The following AOPEP variants were observed in gnomAD, a reference collection of about 807,000 sequenced individuals.
AOPEP encodes the protein aminopeptidase O.
Under a neutral mutation model 98.1 loss-of-function variants are expected in AOPEP, and 77 were observed. That is an observed-to-expected ratio of 0.78 (90% CI 0.65 to 0.95). AOPEP has a LOEUF of 0.95. Ranked by LOEUF, AOPEP falls within the 40% of genes least tolerant of loss-of-function variation. The pLI, the probability that AOPEP is intolerant of heterozygous loss-of-function variation, is 0.00. For missense variants in AOPEP, 1,024 were observed against 1,024.7 expected, an observed-to-expected ratio of 1.00 and a Z score of 0.01; for synonymous variants, 346 against 365.3, an observed-to-expected ratio of 0.95 and a Z score of 0.60.
the AOPEP span, chr9:95,117,330 G>A: frequency 3.1e-6 from 5 of 1,613,916 alleles, no homozygotes; most frequent in African/African-American, 1.3e-5. Flanking sequence ...GGGTCTTGCA[G>A]CAGCACCATG....
chr9:95,126,568 C>T, the AOPEP span: 2 of 1,614,038 alleles, frequency 1.2e-6, no homozygotes, highest in Non-Finnish European at 1.7e-6. Context: ...GGCAGGGTGG[C>T]AGGCTGCTTG....
chr9:94,969,012 A>AG (rs970729537), intron 10 of AOPEP, among the ~76,000 whole-genome samples: 11 of 152,190 alleles, frequency 7.2e-5, no homozygotes, highest in African/African-American at 2.7e-4. Context: ...CAAGATACTG[A>AG]GAGGCTGAGT....
At chr9:95,149,996 TGAG>T in the AOPEP span, 1 of 1,613,874 alleles carries the variant, frequency 6.2e-7, no homozygotes, top group Non-Finnish European at 8.5e-7. Flanking sequence ...CCATGACAGA[TGAG>T]GAGAGCCTCC....
chr9:94,979,258 A>C, intron 10 of AOPEP, 109 bp from the exon 11 acceptor site: 1 of 694,266 alleles, frequency 1.4e-6, no homozygotes, highest in South Asian at 1.9e-5. Flanking sequence ...AAGCACGGGC[A>C]CTTCTGGAAG....
chr9:94,786,361 G>C (rs548049511), intron 3 of AOPEP, among the ~76,000 whole-genome samples: 1 of 152,236 alleles, frequency 6.6e-6, no homozygotes, highest in Non-Finnish European at 1.5e-5. Flanking sequence ...AACCCTAGCT[G>C]TCAGATTCCA....
At chr9:95,116,774 T>C in the AOPEP span, among the ~76,000 whole-genome samples, 1 of 152,204 alleles carries the variant, frequency 6.6e-6, no homozygotes, top group Admixed American at 6.5e-5. Context: ...CCCAGCTGGA[T>C]AGCCTTTGGA....
At chr9:94,753,022 C>T (rs981227346) in intron 1 of AOPEP, among the ~76,000 whole-genome samples, 5 of 152,236 alleles carry the variant, frequency 3.3e-5, no homozygotes, top group South Asian at 2.1e-4. Context: ...TTTAAATAAG[C>T]GGCCTTTCTG....
intron 7 of AOPEP, among the ~76,000 whole-genome samples, chr9:94,933,978 G>C (rs888021303): frequency 6.6e-6 from 1 of 152,106 alleles, no homozygotes; most frequent in South Asian, 2.1e-4. Context: ...TTGATCTCCT[G>C]ACCTTGTGAT....
chr9:94,850,370 T>C (rs2043401181), intron 5 of AOPEP, among the ~76,000 whole-genome samples: 1 of 152,240 alleles, frequency 6.6e-6, no homozygotes, highest in South Asian at 2.1e-4. Flanking sequence ...TGGTCCTGCC[T>C]GTTGGCTGTT....
At chr9:95,011,359 T>C (rs1433277684) in intron 13 of AOPEP, among the ~76,000 whole-genome samples, 1 of 151,844 alleles carries the variant, frequency 6.6e-6, no homozygotes, top group Non-Finnish European at 1.5e-5. Context: ...CCACGCCCCA[T>C]GCCCGGCTAA....
chr9:94,751,693 G>A (rs1358352854), intron 1 of AOPEP, among the ~76,000 whole-genome samples: 1 of 151,018 alleles, frequency 6.6e-6, no homozygotes, highest in Non-Finnish European at 1.5e-5. Flanking sequence ...GTAATCTATA[G>A]CTCTGGTGCC....
chr9:95,010,423 G>C (rs1475767708), intron 13 of AOPEP, among the ~76,000 whole-genome samples: 1 of 152,220 alleles, frequency 6.6e-6, no homozygotes, highest in Non-Finnish European at 1.5e-5. Context: ...GGCACAGAAT[G>C]AACCTATGGA....
the AOPEP span, among the ~76,000 whole-genome samples, chr9:95,105,762 C>G: frequency 6.6e-6 from 1 of 152,236 alleles, no homozygotes; most frequent in Non-Finnish European, 1.5e-5. Context: ...ATTTCAACAG[C>G]ACAGTGTCTT....
intron 16 of AOPEP, among the ~76,000 whole-genome samples, chr9:95,083,315 G>C (rs1208361508): frequency 7.1e-6 from 1 of 141,726 alleles, no homozygotes; most frequent in African/African-American, 2.7e-5. Context: ...CACACCAGAG[G>C]ACGCACCACA....
chr9:95,107,476 G>C, the AOPEP span: 1 of 630,554 alleles, frequency 1.6e-6, no homozygotes, highest in Non-Finnish European at 2.8e-6. Context: ...CTTTCGTCTT[G>C]CTCACCAAGC....
chr9:95,135,276 TCTGA>T, the AOPEP span: 12 of 1,465,964 alleles, frequency 8.2e-6, no homozygotes, highest in African/African-American at 1.4e-5. Context: ...CCTTTCATTC[TCTGA>T]CTAAAAGAAA....
At chr9:94,838,909 C>CTTTTTTTTTT (rs35849023) in intron 5 of AOPEP, among the ~76,000 whole-genome samples, 3 of 99,768 alleles carry the variant, frequency 3.0e-5, no homozygotes, top group African/African-American at 8.4e-5. Context: ...AAATGCTATT[C>CTTTTTTTTTT]TTTTTTTTTT....
intron 13 of AOPEP, among the ~76,000 whole-genome samples, chr9:95,026,589 C>T (rs767358487): frequency 9.2e-5 from 14 of 152,178 alleles, no homozygotes; most frequent in South Asian, 4.1e-4. Context: ...TCTGTCTGTT[C>T]ACCAGTTGAT....
At chr9:94,863,262 T>C (rs1253595493) in intron 5 of AOPEP, among the ~76,000 whole-genome samples, 3 of 144,464 alleles carry the variant, frequency 2.1e-5, no homozygotes, top group Admixed American at 7.0e-5. Context: ...TCTGTTTCCC[T>C]CTTCTTTCTC....
Sources: allele counts gnomAD v4.1 joint callset (sites outside exome capture counted in the v4.1 genomes callset), GRCh38; gene constraint gnomAD v4.1.1; transcripts MANE v1.5; gene names NCBI Gene and HGNC (gene_info 2026-07-23, HGNC 2026-07-21).